Variants in DPYSL2 observed in about 807,000 individuals in gnomAD.
The protein encoded by DPYSL2 is dihydropyrimidinase-related protein 2.
Under a neutral mutation model 69.9 loss-of-function variants are expected in DPYSL2, and 13 were observed. That is an observed-to-expected ratio of 0.19 (90% CI 0.12 to 0.30). The LOEUF (loss-of-function observed/expected upper bound fraction) is 0.30. DPYSL2 is among the 10% of genes least tolerant of loss of function. DPYSL2 has a pLI of 1.00. For synonymous variants in DPYSL2, 326 were observed against 359.1 expected, an observed-to-expected ratio of 0.91 and a Z score of 1.04; for missense variants, 587 against 918.9, an observed-to-expected ratio of 0.64 and a Z score of 4.67.
intron 4 of DPYSL2, among the ~76,000 whole-genome samples, chr8:26,625,519 G>C (rs10441614): frequency 1.3e-5 from 2 of 152,152 alleles, no homozygotes; most frequent in South Asian, 4.1e-4. Context: ...CCAAGGCTGC[G>C]AGGTTGTCAG....
Position 26,618,778 on chromosome 8 carries a change from CAAA to C in DPYSL2, c.629-5345_629-5343del, listed in dbSNP as rs71216765. Among the ~76,000 whole-genome samples the C allele has an allele frequency of 2.2e-3, 184 of 85,154 alleles. 1 individual carries two copies. The highest frequency in any genetic ancestry group is 8.0e-3 in the African/African-American group (168 of 21,006). 55.9% of individuals were successfully genotyped at this position (85,154 alleles called of 152,430 possible). A position where few individuals can be genotyped will look rare whatever the true frequency, so the allele number is the denominator to read the frequency against. ...CAACATGGTGAAACCCCATCTCTAC[CAAA>C]AAAAAAAAAAAAAAAAAAATACAAA... is the stretch of plus-strand genomic sequence containing the variant. On this transcript the variant is annotated intron_variant, in intron 3 of 13. Coordinates refer to ENST00000521913, the MANE Select transcript of DPYSL2 (RefSeq NM_001197293.3).
chr8:26,651,696 T>C lies in DPYSL2; in HGVS notation c.1597-561T>C, dbSNP rs182517998. ...CCGGAAAAACTTGAAACCAGAAGGA[T>C]AGCTACATAGCTACATTGTTCTGGA... On this transcript the variant is annotated intron_variant, in intron 11 of 13. Transcript: ENST00000521913. Among the ~76,000 whole-genome samples, 12 of 152,364 alleles carry C rather than the reference T, an allele frequency of 7.9e-5. No individual in the cohort carries two copies. The East Asian group carries it at 2.3e-3, about 29-fold the overall frequency.
rs746980657 is a variant in DPYSL2 at position 26,643,444 on chromosome 8, G to A, written c.1132G>A (p.Val378Met). Residue 378 changes from valine to methionine, a missense_variant, in exon 9 of 14, where the codon GTG (valine) becomes ATG (methionine). Transcript: ENST00000521913. The surrounding 1 kb of genome is among the most constrained non-coding windows in gnomAD (Gnocchi z 6.5). The stretch of plus-strand genomic sequence containing the variant: ...TTGTGTGTTCTGTTTGTCAGGAACT[G>A]TGGTGTATGGCGAGCCCATCACTGC... ...VIAQARKKGTVVYGEPITASL... is the reference protein window; with the variant it reads ...VIAQARKKGTMVYGEPITASL... The A allele has an allele frequency of 1.4e-5, 22 of 1,589,834 alleles. No homozygotes were observed. Among genetic ancestry groups the A allele is most frequent in the Non-Finnish European group, 1.8e-5 (21 of 1,168,786 alleles).
chr8:26,592,729 G>A (rs1585531479), intron 3 of DPYSL2, among the ~76,000 whole-genome samples: 1 of 152,054 alleles, frequency 6.6e-6, no homozygotes, highest in East Asian at 1.9e-4. Context: ...CACCCGCCTC[G>A]GCCTCCCAAA....
rs1801458088 is a variant in DPYSL2, at chr8:26,580,109, G to A, written c.355-1860G>A. 6.6e-6 allele frequency among the ~76,000 whole-genome samples: 1 copy of A among 151,902 alleles called. No individual in the cohort carries two copies. The highest frequency in any genetic ancestry group is 2.4e-5 in the African/African-American group (1 of 41,320). ...GGTGTGGTGTTTCACTTTTTTTCAT[G>A]GCATCATGTTGGCTCGGGATATTCG... On this transcript the variant is annotated intron_variant, in intron 1 of 13. Coordinates refer to ENST00000521913, the MANE Select transcript of DPYSL2 (RefSeq NM_001197293.3). This position sits in a 1 kb window ranked among gnomAD's most constrained non-coding sequence, Gnocchi z 4.1.
At chr8:26,567,169 CA>C (rs536565488) in intron 1 of DPYSL2, among the ~76,000 whole-genome samples, 1,570 of 147,870 alleles carry the variant, frequency 0.011, 11 homozygotes, top group Non-Finnish European at 0.018. Flanking sequence ...TCCATCCATC[CA>C]TCCATCCATC....
At position 26,648,845 on chromosome 8, in the gene DPYSL2, A is replaced by G. The variant is rs968650342; in HGVS notation, c.1596+1045A>G. 6.6e-6 allele frequency among the ~76,000 whole-genome samples: 1 copy of G among 152,186 alleles called. No individual in the cohort carries two copies. Among genetic ancestry groups the G allele is most frequent in the Non-Finnish European group, 1.5e-5 (1 of 68,032 alleles). On this transcript the variant is annotated intron_variant, in intron 11 of 13. Coordinates refer to ENST00000521913, the MANE Select transcript of DPYSL2 (RefSeq NM_001197293.3). The surrounding 1 kb of genome is among the most constrained non-coding windows in gnomAD (Gnocchi z 4.3). The stretch of plus-strand genomic sequence containing the variant: ...CTCAGGCTCAGCTCTGGCTTCTGCC[A>G]CCTGTGAGGACCAGGGTGGTGGGTG...
chr8:26,624,506 C>A lies in DPYSL2; in HGVS notation c.793+199C>A, dbSNP rs1037648934. On this transcript the variant is annotated intron_variant, in intron 4 of 13. Coordinates refer to ENST00000521913, the MANE Select transcript of DPYSL2 (RefSeq NM_001197293.3). The surrounding 1 kb of genome is among the most constrained non-coding windows in gnomAD (Gnocchi z 4.7). Reference sequence around the variant, plus strand: ...GCCTTACCCAGTGCAGTAACATGAGCCTTCATTGATGATAAGAGAAGATGA... The same window carrying A: ...GCCTTACCCAGTGCAGTAACATGAGACTTCATTGATGATAAGAGAAGATGA... Among the ~76,000 whole-genome samples the A allele has an allele frequency of 2.6e-5, 4 of 152,154 alleles. No individual in the cohort carries two copies. Among genetic ancestry groups the A allele is most frequent in the Non-Finnish European group, 5.9e-5 (4 of 68,034 alleles).
chr8:26,623,733 C>T (rs1222379426), intron 3 of DPYSL2: 2 of 176,912 alleles, frequency 1.1e-5, no homozygotes, highest in African/African-American at 4.8e-5. Context: ...GGCTCTGCTC[C>T]AGCACCTTCA....
At chr8:26,615,078 C>T (rs536006015) in intron 3 of DPYSL2, among the ~76,000 whole-genome samples, 74 of 152,322 alleles carry the variant, frequency 4.9e-4, no homozygotes, top group African/African-American at 1.8e-3. Flanking sequence ...GGAGGTGTGG[C>T]TGTTGCGCAG....
At chr8:26,543,783 G>C (rs1415637882) in intron 1 of DPYSL2, among the ~76,000 whole-genome samples, 1 of 152,180 alleles carries the variant, frequency 6.6e-6, no homozygotes, top group South Asian at 2.1e-4. Context: ...CACCGCGCCT[G>C]GCCACTAGCT....
At position 26,588,999 on chromosome 8, in the gene DPYSL2, C is replaced by G. The variant is rs1018004310; in HGVS notation, c.628+5016C>G. On this transcript the variant is annotated intron_variant, in intron 3 of 13. Coordinates refer to ENST00000521913, the MANE Select transcript of DPYSL2 (RefSeq NM_001197293.3). The surrounding 1 kb of genome is among the most constrained non-coding windows in gnomAD (Gnocchi z 5.4). ...TCCTCTGAGGAGTCTTACTGTCTGT[C>G]CCCCACCTCCTGCCTCTCGCCAGGC... Among the ~76,000 whole-genome samples, 2 of 152,198 alleles carry G rather than the reference C, an allele frequency of 1.3e-5. No homozygotes were observed. Among genetic ancestry groups the G allele is most frequent in the Admixed American group, 6.5e-5 (1 of 15,280 alleles).
chr8:26,577,284 C>G (rs1372920614), intron 1 of DPYSL2: 2 of 292,068 alleles, frequency 6.8e-6, no homozygotes, highest in Non-Finnish European at 1.3e-5. Context: ...CCGCCCTCTC[C>G]GGGGCCGGGC....
intron 7 of DPYSL2, among the ~76,000 whole-genome samples, chr8:26,630,835 T>A (rs1802755603): frequency 6.6e-6 from 1 of 152,206 alleles, no homozygotes; most frequent in South Asian, 2.1e-4. Context: ...TCCCGCAGTG[T>A]ACACATACTC....
chr8:26,539,700 C>T lies in DPYSL2; in HGVS notation c.354+25021C>T, dbSNP rs550290613. 1.1e-3 allele frequency among the ~76,000 whole-genome samples: 168 copies of T among 152,206 alleles called. 1 individual carries two copies. The highest frequency in any genetic ancestry group is 3.6e-3 in the African/African-American group (151 of 41,536). On this transcript the variant is annotated intron_variant, in intron 1 of 13. Transcript: ENST00000521913. ...GACTACAGGGATGCACCACCACGTC[C>T]GGCTAATTTTTGTCTGACCTCAGCA...
chr8:26,636,102 C>A (rs1411418355), intron 8 of DPYSL2, among the ~76,000 whole-genome samples: 1 of 152,252 alleles, frequency 6.6e-6, no homozygotes, highest in Admixed American at 6.5e-5. Flanking sequence ...CCTTAGGCTA[C>A]ACATCAAATG....
rs909800427 is a variant in DPYSL2, at chr8:26,564,103, G to T, written c.355-17866G>T. On this transcript the variant is annotated intron_variant, in intron 1 of 13. Coordinates refer to ENST00000521913, the MANE Select transcript of DPYSL2 (RefSeq NM_001197293.3). This position sits in a 1 kb window ranked among gnomAD's most constrained non-coding sequence, Gnocchi z 4.8. The stretch of plus-strand genomic sequence containing the variant: ...AGGGAGGGGAATTTGGAAGAAAAAA[G>T]GTAGAGGCAATAATGTTAAGTATCA... Among the ~76,000 whole-genome samples, 1 of 152,184 alleles carries T rather than the reference G, an allele frequency of 6.6e-6. No individual in the cohort carries two copies. The highest frequency in any genetic ancestry group is 2.4e-5 in the African/African-American group (1 of 41,442).
chr8:26,580,131 T>A lies in DPYSL2; in HGVS notation c.355-1838T>A, dbSNP rs1455012763. ...CATGGCATCATGTTGGCTCGGGATA[T>A]TCGCGGTGATGGCTGGGGCAGGTAC... On this transcript the variant is annotated intron_variant, in intron 1 of 13. Coordinates refer to ENST00000521913, the MANE Select transcript of DPYSL2 (RefSeq NM_001197293.3). This position sits in a 1 kb window ranked among gnomAD's most constrained non-coding sequence, Gnocchi z 4.1. Among the ~76,000 whole-genome samples the A allele has an allele frequency of 6.6e-6, 1 of 152,024 alleles. No individual in the cohort carries two copies. Among genetic ancestry groups the A allele is most frequent in the Non-Finnish European group, 1.5e-5 (1 of 68,006 alleles).
At chr8:26,568,639 C>T (rs1183758416) in intron 1 of DPYSL2, among the ~76,000 whole-genome samples, 2 of 151,968 alleles carry the variant, frequency 1.3e-5, no homozygotes, top group Admixed American at 6.6e-5. Flanking sequence ...TGGCCAAGAA[C>T]CATGGCGTGT....
Sources: gnomAD v4.1 joint callset for allele counts (sites outside exome capture counted in the v4.1 genomes callset) on GRCh38, gnomAD v4.1.1 for gene constraint, Gnocchi (gnomAD v3.1) non-coding constraint, MANE v1.5 for transcripts, NCBI Gene and HGNC (gene_info 2026-07-23, HGNC 2026-07-21) for gene names.